FADS2: variants seen among roughly 807,000 people sequenced by gnomAD.
FADS2 encodes the protein fatty acid desaturase 2.
In FADS2, 18 loss-of-function variants were observed where a neutral mutation model predicts 61.2. That is an observed-to-expected ratio of 0.29 (90% CI 0.20 to 0.44). The LOEUF (loss-of-function observed/expected upper bound fraction) is 0.44. Among genes scored for constraint, FADS2 ranks in the 20% least tolerant of loss-of-function variants. The pLI, the probability that FADS2 is intolerant of heterozygous loss-of-function variation, is 1.00. For synonymous variants in FADS2, 203 were observed against 223.9 expected (o/e 0.91, Z 0.83); for missense variants, 322 against 572.7 (o/e 0.56, Z 4.47).
At chr11:61,842,711 G>C (rs1447143327) in intron 4 of FADS2, among the ~76,000 whole-genome samples, 1 of 152,138 alleles carries the variant, frequency 6.6e-6, no homozygotes, top group African/African-American at 2.4e-5. Context: ...GACAGGCCAA[G>C]GACATGGACA....
chr11:61,844,803 C>T (rs1387393134), intron 4 of FADS2, among the ~76,000 whole-genome samples: 1 of 150,132 alleles, frequency 6.7e-6, no homozygotes, highest in Non-Finnish European at 1.5e-5. Context: ...CACACGCCTG[C>T]AGTCCCAGCT....
Position 61,854,003 on chromosome 11 carries a change from G to A in FADS2, c.745-3008G>A, listed in dbSNP as rs552101024. On this transcript the variant is annotated intron_variant, in intron 5 of 11. Coordinates refer to ENST00000278840, the MANE Select transcript of FADS2 (RefSeq NM_004265.4). ...GGCCGAGGACAGGAGAGTCAGCCCC[G>A]CCGCCAGGGCTGGCTGCACTCCCTC... is the stretch of plus-strand genomic sequence containing the variant. 5.3e-5 allele frequency among the ~76,000 whole-genome samples: 8 copies of A among 152,274 alleles called. No individual in the cohort carries two copies. In the South Asian group the frequency reaches 8.3e-4, roughly 16 times the overall value.
At chr11:61,827,028 A>G (rs758925897), upstream of FADS2, among the ~76,000 whole-genome samples, 4 of 152,182 alleles carry the variant, frequency 2.6e-5, no homozygotes, top group Non-Finnish European at 4.4e-5. This position sits in a 1 kb window ranked among gnomAD's most constrained non-coding sequence, Gnocchi z 4.5. Flanking sequence ...TGAGGGCCCT[A>G]TAACTCCTCT....
chr11:61,861,358 A>AAAAAAAAAAAAAAAAAAAAAAAAAAAC, intron 7 of FADS2, among the ~76,000 whole-genome samples: 1 of 93,750 alleles, frequency 1.1e-5, no homozygotes, highest in Non-Finnish European at 2.2e-5. Context: ...CCTCTCAAAA[A>AAAAAAAAAAAAAAAAAAAAAAAAAAAC]AAAAAAAAAA....
chr11:61,865,158 C>G lies in FADS2; in HGVS notation c.1164C>G (p.Phe388Leu). Reference sequence around the variant, plus strand: ...CACCCTACACACTCCTCAGCCTCTTCCCCACCATGCCCCGGCACAACTTAC... The same window carrying G: ...CACCCTACACACTCCTCAGCCTCTTGCCCACCATGCCCCGGCACAACTTAC... Reference protein sequence around the residue: ...HLNFQIEHHLFPTMPRHNLHK... With the variant: ...HLNFQIEHHLLPTMPRHNLHK... Residue 388 changes from phenylalanine (F) to leucine (L), a missense_variant, in exon 11 of 12, where the codon TTC (phenylalanine) becomes TTG (leucine). By Grantham distance (22) the Phe-to-Leu change is conservative (BLOSUM62 0). Coordinates refer to ENST00000278840, the MANE Select transcript of FADS2 (RefSeq NM_004265.4). This position sits in a 1 kb window ranked among gnomAD's most constrained non-coding sequence, Gnocchi z 4.1. 4 of 1,613,360 alleles carry G rather than the reference C, an allele frequency of 2.5e-6. No individual in the cohort carries two copies. The highest frequency in any genetic ancestry group is 3.4e-6 in the Non-Finnish European group (4 of 1,179,814).
rs58136105 is a variant in FADS2 at position 61,861,353 on chromosome 11, CA to C, written c.883-1601del. 5.0e-4 allele frequency among the ~76,000 whole-genome samples: 15 copies of C among 29,746 alleles called. 1 individual carries two copies. Among genetic ancestry groups the C allele is most frequent in the Non-Finnish European group, 8.1e-4 (11 of 13,614 alleles). 19.5% of individuals were successfully genotyped at this position (29,746 alleles called of 152,430 possible). A position where few individuals can be genotyped will look rare whatever the true frequency, so the allele number is the denominator to read the frequency against. The stretch of plus-strand genomic sequence containing the variant: ...TGGGCGACAGAGCGAGACTCCCTCT[CA>C]AAAAAAAAAAAAAAAAACAGAAATT... On this transcript the variant is annotated intron_variant, in intron 7 of 11. Transcript: ENST00000278840.
upstream of FADS2, among the ~76,000 whole-genome samples, chr11:61,823,894 A>G (rs1292735440): frequency 3.3e-5 from 5 of 152,192 alleles, no homozygotes; most frequent in East Asian, 9.6e-4. Context: ...AGTTGATGCC[A>G]TTTTTGTTGT....
At chr11:61,820,248 G>A (rs894385446) in intron 1 of FADS2, among the ~76,000 whole-genome samples, 34 of 151,866 alleles carry the variant, frequency 2.2e-4, no homozygotes, top group Admixed American at 2.0e-3. Context: ...CATTTGTGGG[G>A]TGTCTCCTCT....
At chr11:61,864,462 C>T (rs941003067) in intron 10 of FADS2, among the ~76,000 whole-genome samples, 1 of 152,032 alleles carries the variant, frequency 6.6e-6, no homozygotes, top group Non-Finnish European at 1.5e-5. Flanking sequence ...GGCGCAATCT[C>T]GGCTCACTGC....
Position 61,865,642 on chromosome 11 carries a change from C to T in FADS2, c.1288C>T (p.Leu430=), listed in dbSNP as rs767557549. The T allele has an allele frequency of 3.1e-5, 50 of 1,613,204 alleles. No individual in the cohort carries two copies. Among genetic ancestry groups the T allele is most frequent in the Non-Finnish European group, 4.0e-5 (47 of 1,179,640 alleles). The change falls in exon 12 of 12, where the codon CTG becomes TTG. Residue 430 remains leucine, a synonymous_variant. Transcript: ENST00000278840. This position sits in a 1 kb window ranked among gnomAD's most constrained non-coding sequence, Gnocchi z 4.1. ...LRALLDIIRS[L]KKSGKLWLDA... The stretch of plus-strand genomic sequence containing the variant: ...GGTCCATCCCCAACTTTGCAGGTCC[C>T]TGAAGAAGTCTGGGAAGCTGTGGCT...
Position 61,866,939 on chromosome 11 carries a change from G to A in FADS2, c.*1250G>A, listed in dbSNP as rs903184447. 1.3e-5 allele frequency: 2 copies of A among 152,620 alleles called. No homozygotes were observed. The highest frequency in any genetic ancestry group is 4.8e-5 in the African/African-American group (2 of 41,422). 9.5% of individuals were successfully genotyped at this position (152,620 alleles called of 1,614,324 possible). A position where few individuals can be genotyped will look rare whatever the true frequency, so the allele number is the denominator to read the frequency against. ...GAGGCTGCCCTGAGGGGCTGGGGAG[G>A]GGGTACCTCATGAGGACCAGGGTGG... On this transcript the variant is annotated 3_prime_UTR_variant, in exon 12 of 12. Transcript: ENST00000278840.
At position 61,840,460 on chromosome 11, in the gene FADS2, T is replaced by C; in HGVS notation, c.445T>C (p.Phe149Leu). 1 of 1,614,176 alleles carries C rather than the reference T, an allele frequency of 6.2e-7. No homozygotes were observed. The highest frequency in any genetic ancestry group is 1.1e-5 in the South Asian group (1 of 91,086). The change falls in exon 3 of 12, where the codon TTC (phenylalanine) becomes CTC (leucine). Residue 149 changes from phenylalanine to leucine, a missense_variant. This residue lies in a region of FADS2 where 221 missense variants were observed against 427.9 expected (regional missense o/e 0.52). Coordinates refer to ENST00000278840, the MANE Select transcript of FADS2 (RefSeq NM_004265.4). ...CATCGCCCTGGAGAGCATTGCATGG[T>C]TCACTGTCTTTTACTTTGGCAATGG... The part of the protein sequence containing the change: ...HIIALESIAW[F>L]TVFYFGNGWI...
rs1264199126 is a variant in FADS2 at position 61,865,484 on chromosome 11, A to G, written c.1284-154A>G. 6.6e-6 allele frequency among the ~76,000 whole-genome samples: 1 copy of G among 152,132 alleles called. No homozygotes were observed. Among genetic ancestry groups the G allele is most frequent in the Non-Finnish European group, 1.5e-5 (1 of 68,012 alleles). ...TGTGTGGGGTTCCTGGTGGGCTCTG[A>G]GCTGACAGCCCCACAGGCCCAGTGG... On this transcript the variant is annotated intron_variant, in intron 11 of 11. Transcript: ENST00000278840. The surrounding 1 kb of genome is among the most constrained non-coding windows in gnomAD (Gnocchi z 4.1).
intron 1 of FADS2, among the ~76,000 whole-genome samples, chr11:61,832,132 C>G (rs1269810410): frequency 1.3e-5 from 2 of 152,226 alleles, no homozygotes; most frequent in East Asian, 3.8e-4. Context: ...CCCCCTACCC[C>G]TAGCCCTTGT....
At chr11:61,850,635 C>T (rs2067298550) in intron 5 of FADS2, among the ~76,000 whole-genome samples, 1 of 152,046 alleles carries the variant, frequency 6.6e-6, no homozygotes, top group African/African-American at 2.4e-5. Context: ...TATGTAGAGC[C>T]TCTATGTCGG....
At chr11:61,856,670 T>G in intron 5 of FADS2, 2 of 294,144 alleles carry the variant, frequency 6.8e-6, no homozygotes, top group Non-Finnish European at 6.3e-6. Flanking sequence ...GAGTCAGCTT[T>G]TTGGGTTCTG....
chr11:61,848,881 A>T (rs1432998420), intron 5 of FADS2: 2 of 153,138 alleles, frequency 1.3e-5, no homozygotes, highest in African/African-American at 4.8e-5. Context: ...AGGATGGAAC[A>T]CGTTCAGGGT....
intron 6 of FADS2, 74 bp from the exon 7 acceptor site, chr11:61,857,376 CTGGG>C: frequency 7.5e-7 from 1 of 1,333,482 alleles, no homozygotes. Flanking sequence ...GCACTCAGTG[CTGGG>C]CCTGGGTTCC....
chr11:61,819,475 G>A (rs1221715815), intron 1 of FADS2, among the ~76,000 whole-genome samples: 1 of 152,158 alleles, frequency 6.6e-6, no homozygotes, highest in Non-Finnish European at 1.5e-5. Flanking sequence ...GAATCCGGGA[G>A]GCAGAGGTTG....
Sources: gnomAD v4.1 joint callset for allele counts (sites outside exome capture counted in the v4.1 genomes callset) on GRCh38, gnomAD v4.1.1 for gene constraint, gnomAD v4.1.1 regional missense constraint, Gnocchi (gnomAD v3.1) non-coding constraint, MANE v1.5 for transcripts, NCBI Gene and HGNC (gene_info 2026-07-23, HGNC 2026-07-21) for gene names.